TNS1: variants seen among roughly 807,000 people sequenced by gnomAD.
The protein encoded by TNS1 is tensin 1, also known as tensin-1.
In TNS1, 62 loss-of-function variants were observed where a neutral mutation model predicts 168.6. That is an observed-to-expected ratio of 0.37 (90% confidence interval 0.30 to 0.45). The LOEUF (loss-of-function observed/expected upper bound fraction) is 0.45, where lower values mean the gene tolerates loss of function less well. Ranked by LOEUF, TNS1 falls within the 20% of genes least tolerant of loss-of-function variation. The pLI, the probability that TNS1 is intolerant of heterozygous loss-of-function variation, is 1.00. For synonymous variants in TNS1, 934 were observed against 933.2 expected (o/e 1.00, Z -0.02); for missense variants, 2,240 against 2,339.4 (o/e 0.96, Z 0.88).
At chr2:217,977,681 CT>C (rs1441314813) in intron 3 of TNS1, among the ~76,000 whole-genome samples, 1 of 152,206 alleles carries the variant, frequency 6.6e-6, no homozygotes, top group African/African-American at 2.4e-5. Context: ...TTCCCATATC[CT>C]TGAGAATGAA....
chr2:217,841,741 C>T (rs140529601), intron 19 of TNS1, among the ~76,000 whole-genome samples: 4 of 152,260 alleles, frequency 2.6e-5, no homozygotes, highest in South Asian at 2.1e-4. Context: ...GCACCTGCCT[C>T]TCCCTGGACC....
At chr2:217,845,561 A>C (rs554969928) in intron 19 of TNS1, among the ~76,000 whole-genome samples, 3 of 152,352 alleles carry the variant, frequency 2.0e-5, no homozygotes, top group African/African-American at 7.2e-5. Context: ...TATACATTTC[A>C]TCCCTTCTCT....
chr2:218,004,238 G>A (rs565250798), upstream of TNS1, among the ~76,000 whole-genome samples: 11 of 152,348 alleles, frequency 7.2e-5, no homozygotes, highest in Non-Finnish European at 1.3e-4. Context: ...CCCTCCCAGA[G>A]TAGGCACTTG....
At chr2:217,918,693 T>C (rs1201782026) in intron 4 of TNS1, among the ~76,000 whole-genome samples, 2 of 152,182 alleles carry the variant, frequency 1.3e-5, no homozygotes, top group Non-Finnish European at 2.9e-5. Flanking sequence ...GGACATTCTG[T>C]TCTTAGCCAC....
At chr2:217,863,453 C>T (rs1201137316) in intron 18 of TNS1, among the ~76,000 whole-genome samples, 1 of 152,126 alleles carries the variant, frequency 6.6e-6, no homozygotes, top group African/African-American at 2.4e-5. Context: ...CCACAACAAG[C>T]AATTGTTGTG....
chr2:217,909,773 T>A (rs1035446648), intron 4 of TNS1, among the ~76,000 whole-genome samples: 4 of 152,140 alleles, frequency 2.6e-5, no homozygotes, highest in Admixed American at 2.0e-4. Flanking sequence ...GGATTTGGAC[T>A]GACTGCTCCC....
chr2:217,847,826 C>A lies in TNS1; in HGVS notation c.2691G>T (p.Ser897=), dbSNP rs370904189. The A allele has an allele frequency of 1.9e-6, 3 of 1,595,446 alleles. No individual in the cohort carries two copies. Among genetic ancestry groups the A allele is most frequent in the Admixed American group, 1.7e-5 (1 of 59,682 alleles). ...GTGGGGCTGGCTCAGGGGTTCCCAACGAATGCCCACTGGGGATATAGCCAG... is the reference window on the plus strand; with the variant it reads ...GTGGGGCTGGCTCAGGGGTTCCCAAAGAATGCCCACTGGGGATATAGCCAG... ...SRSGYIPSGH[S]LGTPEPAPRA... Residue 897 remains serine, a synonymous_variant, in exon 19 of 33, where the codon TCG becomes TCT. Coordinates refer to ENST00000682258, the MANE Select transcript of TNS1 (RefSeq NM_001387777.1).
At chr2:217,975,358 T>C (rs1957867849) in intron 3 of TNS1, among the ~76,000 whole-genome samples, 1 of 152,024 alleles carries the variant, frequency 6.6e-6, no homozygotes, top group Non-Finnish European at 1.5e-5. Flanking sequence ...ATAATAAGTG[T>C]TTGAAGCTAT....
chr2:218,027,191 C>A (rs957541238), intron 1 of TNS1, among the ~76,000 whole-genome samples: 45 of 152,224 alleles, frequency 3.0e-4, no homozygotes, highest in African/African-American at 9.9e-4. Context: ...CACCCTACAC[C>A]CCCCTGTCGT....
chr2:217,890,231 C>A (rs1272504359), intron 12 of TNS1: 1 of 152,296 alleles, frequency 6.6e-6, no homozygotes, highest in African/African-American at 2.4e-5. Flanking sequence ...ATTAAAAGAG[C>A]CCCGTTCCCC....
At chr2:218,004,376 C>A (rs530805557), upstream of TNS1, among the ~76,000 whole-genome samples, 1 of 152,194 alleles carries the variant, frequency 6.6e-6, no homozygotes, top group Non-Finnish European at 1.5e-5. Flanking sequence ...CCTCCCCCCC[C>A]CACTCACCCA....
chr2:217,805,517 C>T (rs1210864166), intron 32 of TNS1, among the ~76,000 whole-genome samples: 4 of 6,972 alleles, frequency 5.7e-4, no homozygotes, highest in Admixed American at 1.3e-3. Context: ...CCACACACAC[C>T]ACACACACCA....
intron 2 of TNS1, among the ~76,000 whole-genome samples, chr2:217,990,265 T>C (rs1262908211): frequency 6.1e-5 from 7 of 115,554 alleles, no homozygotes; most frequent in African/African-American, 2.2e-4. Context: ...TCCCTCAGCA[T>C]ACATCATCCA....
rs1484907021 is a variant in TNS1, at chr2:217,847,600, G to A, written c.2917C>T (p.Leu973Phe). Residue 973 changes from leucine to phenylalanine, a missense_variant, in exon 19 of 33, where the codon CTC (leucine) becomes TTC (phenylalanine). This residue lies in a region of TNS1 where 2,131 missense variants were observed against 2,171.2 expected (regional missense o/e 0.98). Coordinates refer to ENST00000682258, the MANE Select transcript of TNS1 (RefSeq NM_001387777.1). ...SLPGLTAQPL[L>F]SPKEATSDPS... ...TCTGAAGTCGCTTCCTTTGGTGAGA[G>A]CAGAGGCTGAGCAGTGAGGCCAGGG... is the stretch of plus-strand genomic sequence containing the variant. 6.4e-7 allele frequency: 1 copy of A among 1,553,068 alleles called. No individual in the cohort carries two copies. Among genetic ancestry groups the A allele is most frequent in the East Asian group, 2.3e-5 (1 of 43,980 alleles).
chr2:217,952,890 G>A (rs990166405), intron 3 of TNS1, among the ~76,000 whole-genome samples: 1 of 152,238 alleles, frequency 6.6e-6, no homozygotes, highest in Admixed American at 6.5e-5. Flanking sequence ...AGGATTTAGA[G>A]TTGAGCAGCC....
intron 18 of TNS1, among the ~76,000 whole-genome samples, chr2:217,860,408 AG>A (rs1417428458): frequency 6.6e-6 from 1 of 152,166 alleles, no homozygotes; most frequent in African/African-American, 2.4e-5. Flanking sequence ...AGACCAGGGG[AG>A]GGGAAGCAGA....
At chr2:217,944,490 T>C (rs1957054036) in intron 3 of TNS1, among the ~76,000 whole-genome samples, 1 of 152,166 alleles carries the variant, frequency 6.6e-6, no homozygotes, top group Non-Finnish European at 1.5e-5. Context: ...ATAATAATAA[T>C]AATATAGCAA....
Position 217,947,393 on chromosome 2 carries a change from T to C in TNS1, c.187-27157A>G, listed in dbSNP as rs3791895. Among the ~76,000 whole-genome samples the C allele has an allele frequency of 4.9e-4, 74 of 151,016 alleles. 1 individual carries two copies. The East Asian group carries it at 0.014, about 28-fold the overall frequency. Reference sequence around the variant, plus strand: ...AGAAAGGAGATGGCAGTGCCTGGCATCGAGCAGGCGCCCAGTGGATGCCTG... The same window carrying C: ...AGAAAGGAGATGGCAGTGCCTGGCACCGAGCAGGCGCCCAGTGGATGCCTG... On this transcript the variant is annotated intron_variant, in intron 3 of 32. Transcript: ENST00000682258.
Position 217,813,426 on chromosome 2 carries a change from G to C in TNS1, c.4862-119C>G. 1.0e-6 allele frequency: 1 copy of C among 991,962 alleles called. No homozygotes were observed. The highest frequency in any genetic ancestry group is 1.5e-6 in the Non-Finnish European group (1 of 654,092). 61.4% of individuals were successfully genotyped at this position (991,962 alleles called of 1,614,324 possible). The stretch of plus-strand genomic sequence containing the variant: ...GGCCAAGATGGGAGAAATGACTGAA[G>C]AGAGAACGTGGCTGGAGCCCCATGG... On this transcript the variant is annotated intron_variant, in intron 26 of 32. Coordinates refer to ENST00000682258, the MANE Select transcript of TNS1 (RefSeq NM_001387777.1). The surrounding 1 kb of genome is among the most constrained non-coding windows in gnomAD (Gnocchi z 4.0).
Sources: gnomAD v4.1 joint callset for allele counts (sites outside exome capture counted in the v4.1 genomes callset) on GRCh38, gnomAD v4.1.1 for gene constraint, gnomAD v4.1.1 regional missense constraint, Gnocchi (gnomAD v3.1) non-coding constraint, MANE v1.5 for transcripts, NCBI Gene and HGNC (gene_info 2026-07-23, HGNC 2026-07-21) for gene names.